Variants in EIF4ENIF1 observed in about 807,000 individuals in gnomAD.
EIF4ENIF1 encodes eukaryotic translation initiation factor 4E transporter.
Under a neutral mutation model 110.5 loss-of-function variants are expected in EIF4ENIF1, and 23 were observed. The ratio of observed to expected loss-of-function variants is 0.21; its 90% confidence interval spans 0.15 to 0.29. The LOEUF is 0.29. EIF4ENIF1 is among the 10% of genes least tolerant of loss of function. The probability of loss-of-function intolerance (pLI) is 1.00; values close to 1 mark genes in which losing one functional copy is unlikely to be tolerated. For missense variants in EIF4ENIF1, 1,031 were observed against 1,221.1 expected (o/e 0.84, Z 2.32); for synonymous variants, 440 against 437.0 (o/e 1.01, Z -0.09).
chr22:31,477,225 ATGAT>A, intron 2 of EIF4ENIF1, among the ~76,000 whole-genome samples: 2 of 151,932 alleles, frequency 1.3e-5, no homozygotes, highest in Non-Finnish European at 2.9e-5. Context: ...TTAGCTGGGT[ATGAT>A]GGCGCATGCC....
At chr22:31,464,816 G>A (rs1174620960) in intron 4 of EIF4ENIF1, among the ~76,000 whole-genome samples, 3 of 145,216 alleles carry the variant, frequency 2.1e-5, no homozygotes, top group African/African-American at 7.7e-5. Flanking sequence ...AATATAGGAG[G>A]AAATCCTTGT....
intron 2 of EIF4ENIF1, among the ~76,000 whole-genome samples, chr22:31,477,847 A>G (rs1011407293): frequency 6.6e-6 from 1 of 152,230 alleles, no homozygotes; most frequent in Non-Finnish European, 1.5e-5. Context: ...ACATCTAGGT[A>G]AACAGTATTT....
rs549193244 is a variant in EIF4ENIF1, at chr22:31,450,359, C to T, written c.1514G>A (p.Arg505Gln). The T allele has an allele frequency of 4.8e-4, 769 of 1,612,794 alleles. 13 individuals are homozygous for T. In the South Asian group the frequency reaches 8.0e-3, roughly 17 times the overall value. The change falls in exon 11 of 19, where the codon CGA (arginine) becomes CAA (glutamine). Residue 505 changes from arginine to glutamine, a missense_variant and splice_region_variant. By Grantham distance (43) the Arg-to-Gln change is conservative. Around this residue, in one of 3 missense-constraint regions of EIF4ENIF1, gnomAD observed 704 missense variants for 879.7 expected, o/e 0.80. Coordinates refer to ENST00000330125, the MANE Select transcript of EIF4ENIF1 (RefSeq NM_019843.4). ...GTLPSQPKVS[R>Q]NLESHLMSPA... is the part of the protein sequence containing the mutation. Reference sequence around the variant, plus strand: ...GGACATCAAATGGCTTTCAAGGTTTCGCTAAAAGAGTCAAAAGAAAACTGG... The same window carrying T: ...GGACATCAAATGGCTTTCAAGGTTTTGCTAAAAGAGTCAAAAGAAAACTGG...
intron 10 of EIF4ENIF1, among the ~76,000 whole-genome samples, chr22:31,451,853 C>T (rs920755467): frequency 1.5e-4 from 23 of 152,100 alleles, no homozygotes; most frequent in Admixed American, 1.2e-3. Flanking sequence ...CATCCCTATG[C>T]CCATTTAGCT....
At chr22:31,478,898 G>C (rs1443114652) in intron 2 of EIF4ENIF1, among the ~76,000 whole-genome samples, 1 of 149,844 alleles carries the variant, frequency 6.7e-6, no homozygotes, top group Non-Finnish European at 1.5e-5. Flanking sequence ...CTTGCAGTGA[G>C]CTGAGATCGC....
In EIF4ENIF1 at chr22:31,471,919, TAA is replaced by T. The variant is rs1343709391; in HGVS notation, c.97-4_97-3del. 1 of 1,595,102 alleles carries T rather than the reference TAA, an allele frequency of 6.3e-7. No homozygotes were observed. Among genetic ancestry groups the T allele is most frequent in the Admixed American group, 1.9e-5 (1 of 53,956 alleles). On this transcript the variant is annotated splice_region_variant and splice_polypyrimidine_tract_variant and intron_variant, in intron 2 of 18. Coordinates refer to ENST00000330125, the MANE Select transcript of EIF4ENIF1 (RefSeq NM_019843.4). ...TTCTTTTATATCCAAGAGTTCTTCC[TAA>T]AAAGAGAAGTCAAATAGTCATTTTG...
chr22:31,474,487 CTT>C (rs531859600), intron 2 of EIF4ENIF1, among the ~76,000 whole-genome samples: 10 of 138,132 alleles, frequency 7.2e-5, no homozygotes, highest in Middle Eastern at 3.7e-3. Flanking sequence ...AACATGCCAT[CTT>C]TTTTTTTTTT....
chr22:31,443,278 G>A (rs546289342), intron 15 of EIF4ENIF1, 184 bp from the exon 16 acceptor site: 13 of 751,384 alleles, frequency 1.7e-5, no homozygotes, highest in Middle Eastern at 4.0e-4. Context: ...AGTGTCCCAA[G>A]TACATTATCC....
At chr22:31,464,933 G>GA (rs1199077425) in intron 4 of EIF4ENIF1, among the ~76,000 whole-genome samples, 1 of 151,190 alleles carries the variant, frequency 6.6e-6, no homozygotes, top group Non-Finnish European at 1.5e-5. Flanking sequence ...TCTACTCTTT[G>GA]AAAGACACTG....
chr22:31,488,760 G>A lies in EIF4ENIF1; in HGVS notation c.-27-15C>T, dbSNP rs2052142018. The A allele has an allele frequency of 1.3e-6, 2 of 1,582,122 alleles. No individual in the cohort carries two copies. The highest frequency in any genetic ancestry group is 8.6e-7 in the Non-Finnish European group (1 of 1,167,516). On this transcript the variant is annotated splice_polypyrimidine_tract_variant and intron_variant, in intron 1 of 18. Transcript: ENST00000330125. Reference sequence around the variant, plus strand: ...ATGCTCTGCACCTGGAAGATAAATCGGCACAAAATTGTCACCGAGAACAGT... The same window carrying A: ...ATGCTCTGCACCTGGAAGATAAATCAGCACAAAATTGTCACCGAGAACAGT...
In EIF4ENIF1 at chr22:31,455,245, G is replaced by A. The variant is rs2050777922; in HGVS notation, c.1170C>T (p.Asp390=). ...AAATATCCACTTTATTTTCAGCATGGTCTTCCAATGGTATAGGAGCAAAGT... is the reference window on the plus strand; with the variant it reads ...AAATATCCACTTTATTTTCAGCATGATCTTCCAATGGTATAGGAGCAAAGT... ...GNYFAPIPLE[D]HAENKVDILE... Residue 390 remains aspartate (D), a synonymous_variant, in exon 9 of 19, where the codon GAC becomes GAT. Transcript: ENST00000330125. 1 of 1,613,924 alleles carries A rather than the reference G, an allele frequency of 6.2e-7. No homozygotes were observed. The highest frequency in any genetic ancestry group is 8.5e-7 in the Non-Finnish European group (1 of 1,179,944).
At chr22:31,450,246 A>C in intron 11 of EIF4ENIF1, 43 bp downstream of exon 11, 1 of 1,538,484 alleles carries the variant, frequency 6.5e-7, no homozygotes, top group Non-Finnish European at 9.0e-7. Flanking sequence ...TCAGAAGACT[A>C]CTGTTCAAGA....
At chr22:31,449,317 C>A in intron 12 of EIF4ENIF1, 31 bp downstream of exon 12, 1 of 1,604,694 alleles carries the variant, frequency 6.2e-7, no homozygotes, top group South Asian at 1.1e-5. Context: ...GCCATAAATT[C>A]ATATTTCTTT....
At chr22:31,483,727 C>T (rs2051915042) in intron 2 of EIF4ENIF1, among the ~76,000 whole-genome samples, 1 of 152,046 alleles carries the variant, frequency 6.6e-6, no homozygotes, top group African/African-American at 2.4e-5. Flanking sequence ...ACTCTTAAAC[C>T]ATAACTTTCA....
Position 31,442,054 on chromosome 22 carries a change from G to C in EIF4ENIF1, c.2271C>G (p.Ser757=). The stretch of plus-strand genomic sequence containing the variant: ...AAGACCTCTGTAATGCTGACAGTTT[G>C]GAATTTGTAGTGGGAGAAGAGTCTC... ...ADRDSSPTTN[S]KLSALQRSSC... The change falls in exon 17 of 19, where the codon TCC becomes TCG. Residue 757 remains serine, a synonymous_variant. Transcript: ENST00000330125. 1 of 1,614,188 alleles carries C rather than the reference G, an allele frequency of 6.2e-7. No individual in the cohort carries two copies. The highest frequency in any genetic ancestry group is 8.5e-7 in the Non-Finnish European group (1 of 1,180,046).
Position 31,463,894 on chromosome 22 carries a change from G to A in EIF4ENIF1, c.372C>T (p.Gly124=), listed in dbSNP as rs201658453. 1 of 1,614,126 alleles carries A rather than the reference G, an allele frequency of 6.2e-7. No homozygotes were observed. The highest frequency in any genetic ancestry group is 2.2e-5 in the East Asian group (1 of 44,882). ...LSPQRRSFGG[G]CHVTAAVSSR... is the part of the protein sequence containing the mutation. ...AGCTAACAGCGGCTGTCACGTGGCA[G>A]CCCCCTCCAAAGCTCCGTCTCTGAG... The change falls in exon 5 of 19, where the codon GGC becomes GGT. Residue 124 remains glycine, a synonymous_variant. Coordinates refer to ENST00000330125, the MANE Select transcript of EIF4ENIF1 (RefSeq NM_019843.4).
At chr22:31,482,424 G>A (rs540225144) in intron 2 of EIF4ENIF1, among the ~76,000 whole-genome samples, 1 of 152,252 alleles carries the variant, frequency 6.6e-6, no homozygotes, top group African/African-American at 2.4e-5. Context: ...GCTCACGCCT[G>A]TAATCCCAGC....
chr22:31,461,446 T>C (rs1239423299), intron 6 of EIF4ENIF1, among the ~76,000 whole-genome samples: 1 of 152,078 alleles, frequency 6.6e-6, no homozygotes, highest in East Asian at 1.9e-4. Flanking sequence ...TAGGTTTTTT[T>C]GGTTTTTTTG....
At chr22:31,476,833 G>C (rs535417416) in intron 2 of EIF4ENIF1, among the ~76,000 whole-genome samples, 17 of 143,200 alleles carry the variant, frequency 1.2e-4, no homozygotes, top group Admixed American at 2.1e-4. Context: ...AAGATTCTGT[G>C]TCAAACAAAC....
Sources: gnomAD v4.1 joint callset for allele counts (sites outside exome capture counted in the v4.1 genomes callset) on GRCh38, gnomAD v4.1.1 for gene constraint, gnomAD v4.1.1 regional missense constraint, MANE v1.5 for transcripts, NCBI Gene and HGNC (gene_info 2026-07-23, HGNC 2026-07-21) for gene names.